Variants in SRPK2 observed in about 807,000 individuals in gnomAD.
SRPK2 encodes the protein SFRS protein kinase 2.
A neutral mutation model predicts 90.8 loss-of-function variants in SRPK2; 21 were observed. That is an observed-to-expected ratio of 0.23 (90% CI 0.16 to 0.33). SRPK2 has a LOEUF of 0.33. SRPK2 is among the 10% of genes least tolerant of loss of function. SRPK2 has a pLI of 1.00. For missense variants in SRPK2, 620 were observed against 869.0 expected (o/e 0.71, Z 3.60); for synonymous variants, 288 against 311.1 (o/e 0.93, Z 0.78).
At chr7:105,245,034 AACACACACAC>A (rs58717493) in intron 2 of SRPK2, 6,578 of 523,346 alleles carry the variant, frequency 0.013, 71 homozygotes, top group African/African-American at 0.046. Flanking sequence ...AAACAAAACA[AACACACACAC>A]ACACACACAC....
chr7:105,287,193 G>A (rs1381071473), intron 2 of SRPK2, among the ~76,000 whole-genome samples: 4 of 144,526 alleles, frequency 2.8e-5, no homozygotes, highest in Admixed American at 7.0e-5. Context: ...CCCGGGAGGC[G>A]GAGCTTGCAG....
chr7:105,375,052 T>C (rs1051826051), intron 2 of SRPK2, among the ~76,000 whole-genome samples: 1 of 152,180 alleles, frequency 6.6e-6, no homozygotes, highest in Non-Finnish European at 1.5e-5. Context: ...CAACATCCTA[T>C]CTGTGCATAT....
intron 2 of SRPK2, among the ~76,000 whole-genome samples, chr7:105,381,937 G>A (rs1820996225): frequency 1.3e-5 from 2 of 152,078 alleles, no homozygotes; most frequent in East Asian, 3.9e-4. Flanking sequence ...GGAGGCTAAG[G>A]CAGGCAGATC....
At chr7:105,288,144 A>T (rs1255963944) in intron 2 of SRPK2, among the ~76,000 whole-genome samples, 1 of 152,228 alleles carries the variant, frequency 6.6e-6, no homozygotes, top group African/African-American at 2.4e-5. Context: ...TTTAAAAAGG[A>T]AGTCTTATGG....
At chr7:105,218,069 CAGG>C (rs1363483075) in intron 2 of SRPK2, among the ~76,000 whole-genome samples, 1 of 152,108 alleles carries the variant, frequency 6.6e-6, no homozygotes, top group Middle Eastern at 3.2e-3. Context: ...GCGTTCTAGG[CAGG>C]AGGACATGAT....
intron 2 of SRPK2, among the ~76,000 whole-genome samples, chr7:105,302,943 G>A (rs112532177): frequency 1.1e-3 from 161 of 152,060 alleles, no homozygotes; most frequent in African/African-American, 3.6e-3. Context: ...GCATGGTGGC[G>A]GGCGCCTGTA....
rs1168289581 is a variant in SRPK2, at chr7:105,181,869, CTAAGA to C, written c.230-12609_230-12605del. The stretch of plus-strand genomic sequence containing the variant: ...TGTGCACATACATGTACCCCTGAAC[CTAAGA>C]TAAAAGTAAAAAAAAAAAAAAACAG... On this transcript the variant is annotated intron_variant, in intron 3 of 15. Coordinates refer to ENST00000393651, the MANE Select transcript of SRPK2 (RefSeq NM_182692.3). 9.6e-4 allele frequency among the ~76,000 whole-genome samples: 130 copies of C among 134,928 alleles called. 2 individuals are homozygous for C. The highest frequency in any genetic ancestry group is 3.3e-3 in the African/African-American group (124 of 37,384). 88.5% of individuals were successfully genotyped at this position (134,928 alleles called of 152,430 possible). A position where few individuals can be genotyped will look rare whatever the true frequency, so the allele number is the denominator to read the frequency against.
At position 105,183,974 on chromosome 7, in the gene SRPK2, A is replaced by ATTTT. The variant is rs57622134; in HGVS notation, c.230-14713_230-14710dup. On this transcript the variant is annotated intron_variant, in intron 3 of 15. Coordinates refer to ENST00000393651, the MANE Select transcript of SRPK2 (RefSeq NM_182692.3). ...AAAGAGTTAACGTACACTATTACCA[A>ATTTT]TTTTTTTTTTTTTTTTTTTTTGAGA... 1.0e-3 allele frequency among the ~76,000 whole-genome samples: 119 copies of ATTTT among 116,252 alleles called. 2 individuals carry two copies. Among genetic ancestry groups the ATTTT allele is most frequent in the African/African-American group, 2.2e-3 (65 of 29,398 alleles). 76.3% of individuals were successfully genotyped at this position (116,252 alleles called of 152,430 possible).
chr7:105,170,904 AAAGAAAGAAAGG>A (rs1319201761), intron 3 of SRPK2, among the ~76,000 whole-genome samples: 19 of 114,126 alleles, frequency 1.7e-4, no homozygotes, highest in African/African-American at 5.9e-4. Context: ...AGAAAGAAAG[AAAGAAAGAAAGG>A]AGAAAGAAAA....
chr7:105,263,277 C>T (rs568844929), intron 2 of SRPK2, among the ~76,000 whole-genome samples: 2 of 151,632 alleles, frequency 1.3e-5, no homozygotes, highest in African/African-American at 2.4e-5. Flanking sequence ...GAGCTGAGAT[C>T]GCTCCACTTT....
rs76967703 is a variant in SRPK2, at chr7:105,141,642, A to T, written c.1543+366T>A. Among the ~76,000 whole-genome samples, 470 of 152,300 alleles carry T rather than the reference A, an allele frequency of 3.1e-3. 14 individuals carry two copies. The East Asian group carries it at 0.063, about 20-fold the overall frequency. ...TTTTCTTGAATAGAAACAAAACAAA[A>T]CTAAACTAAACTAAATATAATGACA... is the stretch of plus-strand genomic sequence containing the variant. On this transcript the variant is annotated intron_variant, in intron 11 of 15. Transcript: ENST00000393651.
intron 2 of SRPK2, among the ~76,000 whole-genome samples, chr7:105,307,688 A>G (rs1034229347): frequency 2.6e-5 from 4 of 152,258 alleles, no homozygotes; most frequent in African/African-American, 2.4e-5. Context: ...GTTTATGTTA[A>G]AAGTGTATAA....
chr7:105,351,137 G>C (rs1403514989), intron 2 of SRPK2, among the ~76,000 whole-genome samples: 1 of 151,912 alleles, frequency 6.6e-6, no homozygotes, highest in Non-Finnish European at 1.5e-5. Context: ...GAATTTTAAC[G>C]GATTATCCTG....
intron 2 of SRPK2, among the ~76,000 whole-genome samples, chr7:105,358,686 T>A (rs74891873): frequency 0.04 from 6,018 of 151,928 alleles, 174 homozygotes; most frequent in Non-Finnish European, 0.062. Context: ...AGACCCTGTC[T>A]CAAAAAAGAA....
intron 2 of SRPK2, among the ~76,000 whole-genome samples, chr7:105,221,824 T>C (rs560218763): frequency 3.9e-5 from 6 of 152,316 alleles, no homozygotes; most frequent in African/African-American, 1.4e-4. Flanking sequence ...TTTCTTCGGA[T>C]TACCAAAATA....
chr7:105,237,423 G>A (rs1800269239), intron 2 of SRPK2, among the ~76,000 whole-genome samples: 1 of 152,092 alleles, frequency 6.6e-6, no homozygotes. Flanking sequence ...TAATTCCTAG[G>A]AGAAGAATGT....
At chr7:105,283,126 G>A (rs1563189552) in intron 2 of SRPK2, among the ~76,000 whole-genome samples, 3 of 152,146 alleles carry the variant, frequency 2.0e-5, no homozygotes, top group South Asian at 2.1e-4. Context: ...GGCTATAATC[G>A]AAAAGACAGA....
intron 2 of SRPK2, among the ~76,000 whole-genome samples, chr7:105,212,180 G>T (rs1796939804): frequency 6.6e-6 from 1 of 152,180 alleles, no homozygotes; most frequent in Admixed American, 6.5e-5. Context: ...GGATCTGACA[G>T]AAAATATTAC....
At chr7:105,207,772 A>G (rs1563083697) in intron 2 of SRPK2, among the ~76,000 whole-genome samples, 1 of 152,242 alleles carries the variant, frequency 6.6e-6, no homozygotes, top group African/African-American at 2.4e-5. Context: ...TGACATTAAA[A>G]GCATAAGCAA....
Sources: allele counts gnomAD v4.1 joint callset (sites outside exome capture counted in the v4.1 genomes callset), GRCh38; gene constraint gnomAD v4.1.1; transcripts MANE v1.5; gene names NCBI Gene and HGNC (gene_info 2026-07-23, HGNC 2026-07-21).